The following CACNA1S variants were observed in gnomAD, a reference collection of about 807,000 sequenced individuals.
CACNA1S encodes the protein calcium voltage-gated channel subunit alpha1 S.
Under a neutral mutation model 207.4 loss-of-function variants are expected in CACNA1S, and 126 were observed. That is an observed-to-expected ratio of 0.61 (90% CI 0.53 to 0.70). CACNA1S has a LOEUF of 0.70. Ranked by LOEUF, CACNA1S falls within the 30% of genes least tolerant of loss-of-function variation. The pLI is 0.00. For synonymous variants in CACNA1S, 960 were observed against 932.7 expected (o/e 1.03, Z -0.53); for missense variants, 2,349 against 2,422.8 (o/e 0.97, Z 0.64).
In CACNA1S at chr1:201,040,644, T is replaced by C; in HGVS notation, c.5204A>G (p.Gln1735Arg). ...LLTQRAMPRG[Q>R]APPAPCQCPR... ...TACCTGGCAGGGGGCAGGAGGTGCCTGGCCTCTGGGCATTGCCCTCTGGGT... is the reference window on the plus strand; with the variant it reads ...TACCTGGCAGGGGGCAGGAGGTGCCCGGCCTCTGGGCATTGCCCTCTGGGT... The change falls in exon 42 of 44, where the codon CAG becomes CGG. Residue 1735 changes from glutamine (Q) to arginine (R), a missense_variant. Gln to Arg is a conservative substitution (Grantham distance 43, BLOSUM62 1). Transcript: ENST00000362061. 6.2e-7 allele frequency: 1 copy of C among 1,614,060 alleles called. No individual in the cohort carries two copies.
In CACNA1S at chr1:201,054,509, T is replaced by G. The variant is rs760995210; in HGVS notation, c.3662A>C (p.Asn1221Thr). 8 of 1,613,574 alleles carry G rather than the reference T, an allele frequency of 5.0e-6. No homozygotes were observed. The highest frequency in any genetic ancestry group is 6.8e-6 in the Non-Finnish European group (8 of 1,179,786). Residue 1221 changes from asparagine to threonine, a missense_variant, in exon 29 of 44, where the codon AAC becomes ACC. Coordinates refer to ENST00000362061, the MANE Select transcript of CACNA1S (RefSeq NM_000069.3). ...GCTCGTGCAGCCTGAAATTACAACG[T>G]TCCCGCAGCCTCCACCCAGGCAATA... ...GLYCLGGGCG[N>T]VDPDESARIS...
At chr1:201,072,723 C>T in intron 16 of CACNA1S, 32 bp downstream of exon 16, 1 of 1,578,174 alleles carries the variant, frequency 6.3e-7, no homozygotes, top group Non-Finnish European at 8.7e-7. Context: ...CACCCCAGCA[C>T]CCTGCTCCAG....
At chr1:201,047,684 C>T (rs1311845385) in intron 36 of CACNA1S, 58 bp from the exon 37 acceptor site, 2 of 1,113,404 alleles carry the variant, frequency 1.8e-6, no homozygotes, top group Non-Finnish European at 2.8e-6. Flanking sequence ...TTGACAAGGC[C>T]ACCCAGTTCT....
At chr1:201,095,450 C>G (rs1458318036) in intron 2 of CACNA1S, among the ~76,000 whole-genome samples, 3 of 152,160 alleles carry the variant, frequency 2.0e-5, no homozygotes, top group Non-Finnish European at 4.4e-5. Context: ...TTTATTTTTA[C>G]TTCCAAGTGA....
At position 201,061,439 on chromosome 1, in the gene CACNA1S, G is replaced by T. The variant is rs751604155; in HGVS notation, c.3083C>A (p.Ala1028Glu). The T allele has an allele frequency of 6.2e-7, 1 of 1,614,084 alleles. No homozygotes were observed. The highest frequency in any genetic ancestry group is 8.5e-7 in the Non-Finnish European group (1 of 1,180,034). ...QLLYKAIDSN[A>E]EDVGPIYNNR... ...GTTGTAGATGGGACCCACGTCCTCC[G>T]CATTGGAGTCTATGGCCTTGTACAG... The change falls in exon 25 of 44, where the codon GCG (alanine) becomes GAG (glutamate). Residue 1028 changes from alanine (A) to glutamate (E), a missense_variant. Coordinates refer to ENST00000362061, the MANE Select transcript of CACNA1S (RefSeq NM_000069.3).
At chr1:201,070,204 T>C in intron 17 of CACNA1S, 68 bp downstream of exon 17, 1 of 1,579,378 alleles carries the variant, frequency 6.3e-7, no homozygotes, top group Non-Finnish European at 8.7e-7. Flanking sequence ...CAGACAGGGT[T>C]TTTTCTAGGG....
chr1:201,060,621 A>G, intron 26 of CACNA1S, 37 bp downstream of exon 26: 1 of 1,613,446 alleles, frequency 6.2e-7, no homozygotes, highest in Non-Finnish European at 8.5e-7. Context: ...CCCAGGTCCC[A>G]GTCTGATCAG....
chr1:201,098,224 G>A (rs1477951797), intron 2 of CACNA1S, among the ~76,000 whole-genome samples: 1 of 152,230 alleles, frequency 6.6e-6, no homozygotes, highest in Non-Finnish European at 1.5e-5. Context: ...AAATGAACCA[G>A]TGTCCCGGGG....
intron 24 of CACNA1S, 118 bp from the exon 25 acceptor site, chr1:201,061,586 A>G (rs2102575082): frequency 1.0e-6 from 1 of 988,956 alleles, no homozygotes; most frequent in Non-Finnish European, 1.5e-6. Flanking sequence ...CTTCTCAACA[A>G]TCAAGTTACG....
intron 2 of CACNA1S, among the ~76,000 whole-genome samples, chr1:201,100,709 A>G (rs2102177320): frequency 6.6e-6 from 1 of 152,272 alleles, no homozygotes; most frequent in East Asian, 1.9e-4. Context: ...CTCAGGGTGA[A>G]GGGGGCTGGG....
chr1:201,047,765 G>A (rs1660517017), intron 36 of CACNA1S, 139 bp from the exon 37 acceptor site: 1 of 715,756 alleles, frequency 1.4e-6, no homozygotes. Context: ...CTGCCTTGCT[G>A]GGTACTGGCA....
chr1:201,097,309 G>T (rs571179568), intron 2 of CACNA1S, among the ~76,000 whole-genome samples: 2 of 152,124 alleles, frequency 1.3e-5, no homozygotes, highest in African/African-American at 4.8e-5. Context: ...ATCCAAATGC[G>T]TTTCCGTGGC....
At chr1:201,073,496 T>G in intron 15 of CACNA1S, 53 bp downstream of exon 15, 1 of 1,406,336 alleles carries the variant, frequency 7.1e-7, no homozygotes, top group Non-Finnish European at 1.0e-6. Flanking sequence ...AAGGGAACCA[T>G]GGATTGGAAG....
rs1662155227 is a variant in CACNA1S at position 201,089,472 on chromosome 1, A to C, written c.695-9T>G. 6.2e-7 allele frequency: 1 copy of C among 1,613,234 alleles called. No individual in the cohort carries two copies. Among genetic ancestry groups the C allele is most frequent in the African/African-American group, 1.3e-5 (1 of 74,920 alleles). On this transcript the variant is annotated splice_polypyrimidine_tract_variant and intron_variant, in intron 5 of 43. Coordinates refer to ENST00000362061, the MANE Select transcript of CACNA1S (RefSeq NM_000069.3). Reference sequence around the variant, plus strand: ...CACCGTGGCCACGATATCTGGAGGCAGAAGGCAAAGGGAACATCAGACAAC... The same window carrying C: ...CACCGTGGCCACGATATCTGGAGGCCGAAGGCAAAGGGAACATCAGACAAC...
chr1:201,110,162 A>G lies in CACNA1S; in HGVS notation c.258+2T>C, dbSNP rs1663041820. On this transcript the variant is annotated splice_donor_variant, in intron 2 of 43. Coordinates refer to ENST00000362061, the MANE Select transcript of CACNA1S (RefSeq NM_000069.3). LOFTEE classifies it high-confidence loss of function. Reference sequence around the variant, plus strand: ...GAAGGGAGATGGAAGGGCCAATCTTACCAGGCCGAGGTTCAGAGAGTTGTT... The same window carrying G: ...GAAGGGAGATGGAAGGGCCAATCTTGCCAGGCCGAGGTTCAGAGAGTTGTT... 1.2e-6 allele frequency: 2 copies of G among 1,613,606 alleles called. No individual in the cohort carries two copies. The highest frequency in any genetic ancestry group is 1.7e-5 in the Admixed American group (1 of 60,006).
chr1:201,078,068 G>A lies in CACNA1S; in HGVS notation c.1430C>T (p.Thr477Ile), dbSNP rs1235626524. Residue 477 changes from threonine (T) to isoleucine (I), a missense_variant, in exon 11 of 44, where the codon ACT (threonine) becomes ATT (isoleucine). Coordinates refer to ENST00000362061, the MANE Select transcript of CACNA1S (RefSeq NM_000069.3). Reference protein sequence around the residue: ...ANRVLLSLFTTEMLMKMYGLG... With the variant: ...ANRVLLSLFTIEMLMKMYGLG... ...CCCGTACATCTTCATCAGCATCTCA[G>A]TGGTGAAGAGGGACAGCAGCACCCG... 1 of 1,614,214 alleles carries A rather than the reference G, an allele frequency of 6.2e-7. No individual in the cohort carries two copies. The highest frequency in any genetic ancestry group is 1.7e-5 in the Admixed American group (1 of 60,030).
Position 201,085,546 on chromosome 1 carries a change from C to G in CACNA1S, c.1040G>C (p.Arg347Thr). Residue 347 changes from arginine (R) to threonine (T), a missense_variant, in exon 8 of 44, where the codon AGG becomes ACG. By Grantham distance (71) the Arg-to-Thr change is moderately conservative. Transcript: ENST00000362061. ...FTKEREKAKS[R>T]GTFQKLREKQ... ...CTCCCGGAGCTTCTGGAAGGTTCCCCTGGACTTGGCCTTCTCCCGCTCCTT... is the reference window on the plus strand; with the variant it reads ...CTCCCGGAGCTTCTGGAAGGTTCCCGTGGACTTGGCCTTCTCCCGCTCCTT... The G allele has an allele frequency of 6.2e-7, 1 of 1,613,668 alleles. No individual in the cohort carries two copies. The highest frequency in any genetic ancestry group is 8.5e-7 in the Non-Finnish European group (1 of 1,179,948).
chr1:201,046,231 G>C (rs1488567998), intron 38 of CACNA1S, among the ~76,000 whole-genome samples: 1 of 151,866 alleles, frequency 6.6e-6, no homozygotes, highest in Admixed American at 6.6e-5. Flanking sequence ...ACCCTTGCTA[G>C]AGTGCAGTGG....
At chr1:201,073,875 T>G (rs918297423) in intron 14 of CACNA1S, among the ~76,000 whole-genome samples, 1 of 152,140 alleles carries the variant, frequency 6.6e-6, no homozygotes, top group Non-Finnish European at 1.5e-5. Context: ...TGGTCAGCCA[T>G]GTTTAACGTT....
Sources: gnomAD v4.1 joint callset for allele counts (sites outside exome capture counted in the v4.1 genomes callset) on GRCh38, gnomAD v4.1.1 for gene constraint, MANE v1.5 for transcripts, NCBI Gene and HGNC (gene_info 2026-07-23, HGNC 2026-07-21) for gene names.